Variants in MARCHF1 observed in about 807,000 individuals in gnomAD.
The protein encoded by MARCHF1 is E3 ubiquitin-protein ligase MARCHF1.
In MARCHF1, 40 loss-of-function variants were observed where a neutral mutation model predicts 54.2. The ratio of observed to expected loss-of-function variants is 0.74; its 90% CI spans 0.57 to 0.96. The LOEUF is 0.96. MARCHF1 is among the 40% of genes least tolerant of loss of function. MARCHF1 has a pLI of 0.00. For synonymous variants in MARCHF1, 236 were observed against 236.3 expected (o/e 1.00, Z 0.01); for missense variants, 586 against 656.5 (o/e 0.89, Z 1.17).
chr4:163,842,149 C>A (rs1749358921), intron 4 of MARCHF1, among the ~76,000 whole-genome samples: 1 of 151,966 alleles, frequency 6.6e-6, no homozygotes. Flanking sequence ...AACCTTACCT[C>A]TTCCTCCAGA....
intron 4 of MARCHF1, among the ~76,000 whole-genome samples, chr4:163,842,997 C>T (rs933226462): frequency 2.0e-5 from 3 of 152,004 alleles, no homozygotes; most frequent in African/African-American, 7.3e-5. Context: ...GGTAGTTTTT[C>T]AACCTATGTC....
At chr4:163,755,234 T>C (rs571212179) in intron 4 of MARCHF1, among the ~76,000 whole-genome samples, 1 of 152,334 alleles carries the variant, frequency 6.6e-6, no homozygotes, top group Admixed American at 6.5e-5. Flanking sequence ...AGATGTATTC[T>C]AAATTCCAAG....
chr4:163,786,127 G>C (rs979635772), intron 4 of MARCHF1, among the ~76,000 whole-genome samples: 1 of 151,944 alleles, frequency 6.6e-6, no homozygotes, highest in African/African-American at 2.4e-5. Context: ...CGGACACCTT[G>C]ATATTAGGAC....
At chr4:163,552,074 C>CAG (rs1739124183) in intron 8 of MARCHF1, among the ~76,000 whole-genome samples, 1 of 152,078 alleles carries the variant, frequency 6.6e-6, no homozygotes, top group Admixed American at 6.5e-5. Flanking sequence ...CTTAAAAAAA[C>CAG]ATTTTCTCCC....
At chr4:164,280,864 T>C (rs751619662) in intron 1 of MARCHF1, among the ~76,000 whole-genome samples, 91 of 152,248 alleles carry the variant, frequency 6.0e-4, no homozygotes, top group Non-Finnish European at 1.1e-3. Context: ...AGGTAGATAT[T>C]AGTTGTAATT....
chr4:164,104,105 A>G (rs1755636850), intron 2 of MARCHF1, among the ~76,000 whole-genome samples: 1 of 150,588 alleles, frequency 6.6e-6, no homozygotes, highest in Middle Eastern at 3.4e-3. Context: ...ACAGGAGCTG[A>G]AATTGTGGCA....
chr4:163,715,262 T>C (rs1745222630), intron 4 of MARCHF1, among the ~76,000 whole-genome samples: 1 of 152,164 alleles, frequency 6.6e-6, no homozygotes, highest in Non-Finnish European at 1.5e-5. Context: ...TTATTTTATT[T>C]TGAGACGGAG....
At chr4:164,119,433 G>GA (rs1477498506) in intron 1 of MARCHF1, among the ~76,000 whole-genome samples, 2 of 149,684 alleles carry the variant, frequency 1.3e-5, no homozygotes, top group Non-Finnish European at 3.0e-5. Flanking sequence ...CAATATAAAT[G>GA]AAAAAAATAA....
intron 4 of MARCHF1, among the ~76,000 whole-genome samples, chr4:163,833,386 G>C (rs113974388): frequency 0.066 from 10,096 of 152,122 alleles, 394 homozygotes; most frequent in African/African-American, 0.099. Context: ...TTAAACTAAA[G>C]AGCTTCTGCA....
At chr4:163,879,804 C>CATGT (rs71600645) in intron 3 of MARCHF1, among the ~76,000 whole-genome samples, 1 of 148,378 alleles carries the variant, frequency 6.7e-6, no homozygotes, top group Non-Finnish European at 1.5e-5. Context: ...GATTTAGAGG[C>CATGT]GTGTGTGTGT....
chr4:163,627,407 T>C (rs1189063458), intron 5 of MARCHF1, among the ~76,000 whole-genome samples: 2 of 152,230 alleles, frequency 1.3e-5, no homozygotes, highest in African/African-American at 4.8e-5. Flanking sequence ...TTACTGCTTA[T>C]TAATTCTCAT....
intron 2 of MARCHF1, among the ~76,000 whole-genome samples, chr4:164,017,673 T>C (rs749146438): frequency 2.0e-5 from 3 of 151,808 alleles, no homozygotes; most frequent in Non-Finnish European, 2.9e-5. Flanking sequence ...AATAAATACA[T>C]ATATTATTGT....
At chr4:163,642,455 A>T (rs796149808) in intron 5 of MARCHF1, among the ~76,000 whole-genome samples, 2 of 152,308 alleles carry the variant, frequency 1.3e-5, no homozygotes, top group African/African-American at 2.4e-5. Context: ...GCTTTAAAAT[A>T]TGTGTTTAAA....
intron 4 of MARCHF1, among the ~76,000 whole-genome samples, chr4:163,820,142 C>T (rs76451966): frequency 0.024 from 3,629 of 152,158 alleles, 66 homozygotes; most frequent in East Asian, 0.074. Flanking sequence ...AATCTGGCTT[C>T]AGTTCCCAAT....
In MARCHF1 at chr4:164,059,037, G is replaced by T. The variant is rs911436355; in HGVS notation, c.-248+52551C>A. Among the ~76,000 whole-genome samples, 8 of 152,260 alleles carry T rather than the reference G, an allele frequency of 5.3e-5. 1 individual carries two copies. The East Asian group carries it at 7.7e-4, about 15-fold the overall frequency. On this transcript the variant is annotated intron_variant, in intron 2 of 9. Coordinates refer to ENST00000514618, the MANE Select transcript of MARCHF1 (RefSeq NM_001394959.1). The stretch of plus-strand genomic sequence containing the variant: ...ACAGCCTTAACAGCTTGCAAAAAGG[G>T]CTCATAGGATAAGAATTCTTTGTTG...
At chr4:164,167,188 T>C (rs2110962391) in intron 1 of MARCHF1, among the ~76,000 whole-genome samples, 1 of 146,082 alleles carries the variant, frequency 6.8e-6, no homozygotes, top group Middle Eastern at 3.4e-3. Flanking sequence ...TTAGCTTACT[T>C]ATGGTTCCTT....
chr4:163,819,974 T>C (rs748472989), intron 4 of MARCHF1, among the ~76,000 whole-genome samples: 4 of 152,120 alleles, frequency 2.6e-5, no homozygotes, highest in Non-Finnish European at 5.9e-5. Flanking sequence ...CACAAGTTTG[T>C]GCAATCAACA....
At chr4:163,836,306 C>A (rs984345506) in intron 4 of MARCHF1, among the ~76,000 whole-genome samples, 1 of 150,978 alleles carries the variant, frequency 6.6e-6, no homozygotes, top group African/African-American at 2.4e-5. Context: ...AGTGCAGTGG[C>A]ACAATCTCGG....
At chr4:163,815,681 T>C (rs2111028986) in intron 4 of MARCHF1, among the ~76,000 whole-genome samples, 1 of 152,276 alleles carries the variant, frequency 6.6e-6, no homozygotes, top group East Asian at 1.9e-4. Flanking sequence ...TTCAAAGGTG[T>C]CAAAAGATTT....
Sources: allele counts gnomAD v4.1 joint callset (sites outside exome capture counted in the v4.1 genomes callset), GRCh38; gene constraint gnomAD v4.1.1; transcripts MANE v1.5; gene names NCBI Gene and HGNC (gene_info 2026-07-23, HGNC 2026-07-21).